HTRA3: variants seen among roughly 807,000 people sequenced by gnomAD.
HTRA3 encodes the protein HtrA serine peptidase 3.
Under a neutral mutation model 43.2 loss-of-function variants are expected in HTRA3, and 41 were observed. The ratio of observed to expected loss-of-function variants is 0.95; its 90% CI spans 0.74 to 1.23. HTRA3 has a LOEUF of 1.23. Ranked by LOEUF, HTRA3 falls within the 50% of genes most tolerant of loss-of-function variation. The pLI is 0.00. For synonymous variants in HTRA3, 295 were observed against 287.9 expected (o/e 1.02, Z -0.25); for missense variants, 628 against 647.1 (o/e 0.97, Z 0.32).
chr4:8,288,574 C>CTT (rs35966094), intron 3 of HTRA3, among the ~76,000 whole-genome samples: 2 of 132,542 alleles, frequency 1.5e-5, no homozygotes, highest in Non-Finnish European at 3.2e-5. Flanking sequence ...CGTGCCTAGC[C>CTT]TTTTTTTTTT....
chr4:8,296,542 T>G lies in HTRA3; in HGVS notation c.1051+2341T>G, dbSNP rs1713464649. The G allele has an allele frequency of 1.0e-6, 1 of 984,930 alleles. No individual in the cohort carries two copies. The highest frequency in any genetic ancestry group is 1.2e-6 in the Non-Finnish European group (1 of 829,534). The allele number at this position is 984,930 out of a possible 1,614,324, so 61.0% of individuals were successfully genotyped here. A position where few individuals can be genotyped will look rare whatever the true frequency, so the allele number is the denominator to read the frequency against. ...TAAATCAAGGAGATGTTAAGTGCAT[T>G]TATTATTCTCGTCTGGAGGTGGGGT... On this transcript the variant is annotated intron_variant, in intron 6 of 8. Coordinates refer to ENST00000307358, the MANE Select transcript of HTRA3 (RefSeq NM_053044.5). This position sits in a 1 kb window ranked among gnomAD's most constrained non-coding sequence, Gnocchi z 5.3.
At chr4:8,283,047 C>T (rs780674037) in intron 2 of HTRA3, among the ~76,000 whole-genome samples, 4 of 152,032 alleles carry the variant, frequency 2.6e-5, no homozygotes, top group South Asian at 2.1e-4. Context: ...GGGGGCAGCT[C>T]GCAAGCACCG....
intron 6 of HTRA3, among the ~76,000 whole-genome samples, chr4:8,300,304 A>G (rs1041375756): frequency 6.6e-6 from 1 of 152,332 alleles, no homozygotes; most frequent in East Asian, 1.9e-4. Context: ...TTTGTATAGA[A>G]TTAGTACTAT....
chr4:8,304,674 T>A (rs1713776618), intron 8 of HTRA3, among the ~76,000 whole-genome samples: 15 of 91,760 alleles, frequency 1.6e-4, no homozygotes, highest in Non-Finnish European at 2.3e-4. Context: ...TTTTTTTTTT[T>A]GAGACAGTCT....
intron 5 of HTRA3, 126 bp downstream of exon 5, chr4:8,292,479 T>C (rs1713287597): frequency 3.7e-6 from 3 of 816,896 alleles, no homozygotes; most frequent in Non-Finnish European, 5.9e-6. Context: ...CAGTCGGGAG[T>C]GCAGCTGGGC....
chr4:8,301,470 TTGAG>T (rs1713654624), intron 6 of HTRA3, among the ~76,000 whole-genome samples: 2 of 151,920 alleles, frequency 1.3e-5, no homozygotes, highest in African/African-American at 2.4e-5. Context: ...AGCTTTATTA[TTGAG>T]TCACACTCTC....
intron 1 of HTRA3, among the ~76,000 whole-genome samples, chr4:8,273,530 G>A (rs1316173409): frequency 9.9e-5 from 5 of 50,370 alleles, no homozygotes; most frequent in African/African-American, 2.4e-4. Context: ...CCTCCCCCCC[G>A]CACCCCCGCC....
intron 1 of HTRA3, 120 bp downstream of exon 1, chr4:8,270,473 A>G: frequency 8.8e-7 from 1 of 1,138,638 alleles, no homozygotes; most frequent in Admixed American, 4.2e-5. Flanking sequence ...GCCCTTCAGA[A>G]ATCATCCCAC....
intron 5 of HTRA3, 142 bp downstream of exon 5, chr4:8,292,495 G>A: frequency 1.4e-6 from 1 of 740,008 alleles, no homozygotes; most frequent in East Asian, 2.8e-5. Flanking sequence ...TGGGCCGGAG[G>A]CCTGGAAGGA....
rs571482710 is a variant in HTRA3 at position 8,306,225 on chromosome 4, G to A, written c.*89G>A. 1.5e-4 allele frequency: 207 copies of A among 1,373,178 alleles called. 1 individual carries two copies. The East Asian group carries it at 3.2e-3, about 21-fold the overall frequency. 85.1% of individuals were successfully genotyped at this position (1,373,178 alleles called of 1,614,324 possible). A position where few individuals can be genotyped will look rare whatever the true frequency, so the allele number is the denominator to read the frequency against. On this transcript the variant is annotated 3_prime_UTR_variant, in exon 9 of 9. Transcript: ENST00000307358. This position sits in a 1 kb window ranked among gnomAD's most constrained non-coding sequence, Gnocchi z 8.9. ...AGATCAGGACGAAGGACCACCGTCG[G>A]TCCTCAGCAGGGCGGCAGCCTCCTC...
chr4:8,291,511 C>T lies in HTRA3; in HGVS notation c.850C>T (p.Leu284=), dbSNP rs559098058. Reference sequence around the variant, plus strand: ...CACTGCCCAGCGGGAGGGCAGGGAGCTGGGCCTCCGGGACTCCGACATGGA... The same window carrying T: ...CACTGCCCAGCGGGAGGGCAGGGAGTTGGGCCTCCGGGACTCCGACATGGA... ...VSTAQREGRE[L]GLRDSDMDYI... Residue 284 remains leucine (L), a synonymous_variant, in exon 4 of 9, where the codon CTG becomes TTG. Transcript: ENST00000307358. 6.2e-6 allele frequency: 10 copies of T among 1,612,072 alleles called. No individual in the cohort carries two copies. The highest frequency in any genetic ancestry group is 2.2e-5 in the East Asian group (1 of 44,872).
In HTRA3 at chr4:8,297,937, TTGTCCCTC is replaced by T. The variant is rs1007073303; in HGVS notation, c.1051+3755_1051+3762del. On this transcript the variant is annotated intron_variant, in intron 6 of 8. Transcript: ENST00000307358. This position sits in a 1 kb window ranked among gnomAD's most constrained non-coding sequence, Gnocchi z 5.8. Reference sequence around the variant, plus strand: ...CCGTCCCCACTGAGTTATGTCAGCCTTGTCCCTCTGTCCCTCTGTCCCTCTGGACTTCC... The same window carrying T: ...CCGTCCCCACTGAGTTATGTCAGCCTTGTCCCTCTGTCCCTCTGGACTTCC... 1.2e-4 allele frequency among the ~76,000 whole-genome samples: 19 copies of T among 152,158 alleles called. No homozygotes were observed. The highest frequency in any genetic ancestry group is 4.6e-4 in the Admixed American group (7 of 15,278).
intron 1 of HTRA3, among the ~76,000 whole-genome samples, chr4:8,280,972 G>A (rs913594876): frequency 6.6e-6 from 1 of 152,226 alleles, no homozygotes; most frequent in Non-Finnish European, 1.5e-5. Context: ...CCCAGGGAAA[G>A]GAGGCCTGCG....
chr4:8,305,518 A>C (rs553974643), intron 8 of HTRA3, among the ~76,000 whole-genome samples: 5 of 152,320 alleles, frequency 3.3e-5, no homozygotes, highest in African/African-American at 1.2e-4. Context: ...CTTCCTTCCC[A>C]GCAGTGGGGA....
intron 1 of HTRA3, among the ~76,000 whole-genome samples, chr4:8,277,024 C>A (rs1029897648): frequency 6.6e-6 from 1 of 152,226 alleles, no homozygotes; most frequent in Non-Finnish European, 1.5e-5. Context: ...GAGGTGTGGC[C>A]CGTGGAGGGG....
In HTRA3 at chr4:8,270,088, C is replaced by T. The variant is rs761789076; in HGVS notation, c.120C>T (p.Pro40=). 6.5e-7 allele frequency: 1 copy of T among 1,530,182 alleles called. No individual in the cohort carries two copies. Among genetic ancestry groups the T allele is most frequent in the Non-Finnish European group, 8.7e-7 (1 of 1,150,188 alleles). 94.8% of individuals were successfully genotyped at this position (1,530,182 alleles called of 1,614,324 possible). Residue 40 remains proline (P), a synonymous_variant, in exon 1 of 9, where the codon CCC becomes CCT. Coordinates refer to ENST00000307358, the MANE Select transcript of HTRA3 (RefSeq NM_053044.5). The part of the protein sequence containing the change: ...DVSRCPSPRC[P]GGYVPDLCNC... Reference sequence around the variant, plus strand: ...CGCGGTGTCCCAGCCCCCGCTGCCCCGGCGGCTACGTGCCCGACCTCTGCA... The same window carrying T: ...CGCGGTGTCCCAGCCCCCGCTGCCCTGGCGGCTACGTGCCCGACCTCTGCA...
chr4:8,280,989 G>A (rs1225173969), intron 1 of HTRA3, among the ~76,000 whole-genome samples: 5 of 152,342 alleles, frequency 3.3e-5, no homozygotes, highest in African/African-American at 1.2e-4. Flanking sequence ...TGCGGCCTGC[G>A]TTCAGATCCT....
At chr4:8,282,179 A>G (rs1712773922) in intron 1 of HTRA3, among the ~76,000 whole-genome samples, 1 of 152,024 alleles carries the variant, frequency 6.6e-6, no homozygotes, top group South Asian at 2.1e-4. Context: ...GGGTCCAGTG[A>G]GGGGGGTGAG....
At chr4:8,303,309 C>T (rs1356240535) in intron 7 of HTRA3, among the ~76,000 whole-genome samples, 1 of 152,228 alleles carries the variant, frequency 6.6e-6, no homozygotes, top group Non-Finnish European at 1.5e-5. Context: ...CCTCGGCTGT[C>T]AGCTCCTTGG....
Sources: allele counts gnomAD v4.1 joint callset (sites outside exome capture counted in the v4.1 genomes callset), GRCh38; gene constraint gnomAD v4.1.1; non-coding constraint Gnocchi (gnomAD v3.1); transcripts MANE v1.5; gene names NCBI Gene and HGNC (gene_info 2026-07-23, HGNC 2026-07-21).